The following RUFY4 variants were observed in gnomAD, a reference collection of about 807,000 sequenced individuals.
The protein encoded by RUFY4 is RUN and FYVE domain containing 4.
In RUFY4, 73 loss-of-function variants were observed where a neutral mutation model predicts 69.0. The observed-to-expected ratio is 1.06, with a 90% CI of 0.88 to 1.29. The LOEUF (loss-of-function observed/expected upper bound fraction) is 1.29, where lower values mean the gene tolerates loss of function less well. Among genes scored for constraint, RUFY4 ranks in the 50% most tolerant of loss-of-function variants. RUFY4 has a pLI of 0.00. For missense variants in RUFY4, 770 were observed against 705.6 expected, an observed-to-expected ratio of 1.09 and a Z score of -1.03; for synonymous variants, 287 against 271.8, an observed-to-expected ratio of 1.06 and a Z score of -0.55.
chr2:218,039,979 C>G (rs1359389731), intron 2 of RUFY4, among the ~76,000 whole-genome samples: 2 of 145,680 alleles, frequency 1.4e-5, no homozygotes, highest in Non-Finnish European at 3.0e-5. Context: ...CTGGATTGCC[C>G]CCAATTTGCT....
upstream of RUFY4, chr2:218,070,385 A>T (rs551685517): frequency 4.2e-4 from 255 of 607,224 alleles, 1 homozygote; most frequent in Middle Eastern, 2.6e-3. Context: ...GGACTGCTCA[A>T]TCGGTGGAGG....
At chr2:218,050,363 G>A (rs910472980) in intron 2 of RUFY4, among the ~76,000 whole-genome samples, 2 of 152,244 alleles carry the variant, frequency 1.3e-5, no homozygotes, top group African/African-American at 4.8e-5. Flanking sequence ...TGAAGGAGCT[G>A]TGATGCTCCT....
rs903721159 is a variant in RUFY4, at chr2:218,082,064, A to G, written c.1356-1046A>G. Among the ~76,000 whole-genome samples the G allele has an allele frequency of 5.3e-5, 8 of 152,134 alleles. No individual in the cohort carries two copies. The East Asian group carries it at 1.2e-3, about 22-fold the overall frequency. ...TCCCAGCTGAGCCAGGGGCCTCCCA[A>G]CTGAGCCAGAGGCTGGGCCCTGGGG... On this transcript the variant is annotated intron_variant, in intron 8 of 10. Transcript: ENST00000344321.
At chr2:218,064,592 C>T (rs1689277723), upstream of RUFY4, among the ~76,000 whole-genome samples, 1 of 152,164 alleles carries the variant, frequency 6.6e-6, no homozygotes, top group South Asian at 2.1e-4. Flanking sequence ...GGAGTGGCCA[C>T]CAGCTGGCAG....
At chr2:218,052,393 G>T (rs1413786085) in intron 2 of RUFY4, among the ~76,000 whole-genome samples, 1 of 152,108 alleles carries the variant, frequency 6.6e-6, no homozygotes, top group African/African-American at 2.4e-5. Context: ...GTTGCCCAAG[G>T]TATTGGTTTT....
At chr2:218,072,928 A>T in intron 4 of RUFY4, 43 bp downstream of exon 6, 1 of 1,436,486 alleles carries the variant, frequency 7.0e-7, no homozygotes, top group Non-Finnish European at 9.3e-7. Context: ...CATCTGAGCC[A>T]CTTTCCCTCC....
chr2:218,060,950 C>T, intron 3 of RUFY4: 1 of 863,546 alleles, frequency 1.2e-6, no homozygotes. Flanking sequence ...AGTGGCGCTG[C>T]TGGGTCAGTG....
exon 1 of RUFY4, chr2:218,070,524 G>A (rs1396780425): frequency 3.3e-6 from 4 of 1,202,434 alleles, no homozygotes; most frequent in Non-Finnish European, 4.7e-6. Flanking sequence ...TTTGTGTAAG[G>A]AGAGAGCTGG....
At chr2:218,087,708 A>C (rs531667089) in intron 9 of RUFY4, among the ~76,000 whole-genome samples, 1 of 152,254 alleles carries the variant, frequency 6.6e-6, no homozygotes, top group South Asian at 2.1e-4. Flanking sequence ...ACATGCCTGT[A>C]ATCCCAGCTA....
At chr2:218,053,919 A>T (rs572483967) in intron 2 of RUFY4, among the ~76,000 whole-genome samples, 1 of 152,370 alleles carries the variant, frequency 6.6e-6, no homozygotes, top group Admixed American at 6.5e-5. Flanking sequence ...TGCTGGAATG[A>T]CAAGCCTGAG....
chr2:218,043,790 C>T (rs1688758523), intron 2 of RUFY4, among the ~76,000 whole-genome samples: 1 of 152,204 alleles, frequency 6.6e-6, no homozygotes, highest in Admixed American at 6.5e-5. Context: ...ACCTTCCTCC[C>T]AGGAGCCTGT....
intron 2 of RUFY4, among the ~76,000 whole-genome samples, chr2:218,038,338 T>C (rs932636591): frequency 6.6e-5 from 10 of 152,206 alleles, no homozygotes; most frequent in African/African-American, 2.4e-4. Context: ...GTGTTTATTA[T>C]GATGATGCAA....
chr2:218,067,349 ACTGGCAGTAGGAGTGCC>A (rs2106042380), upstream of RUFY4, among the ~76,000 whole-genome samples: 1 of 152,360 alleles, frequency 6.6e-6, no homozygotes, highest in South Asian at 2.1e-4. Context: ...AAGTAGCAGG[ACTGGCAGTAGGAGTGCC>A]CTGGCAGGCA....
chr2:218,048,221 T>C (rs1034218889), intron 2 of RUFY4, among the ~76,000 whole-genome samples: 2 of 152,254 alleles, frequency 1.3e-5, no homozygotes, highest in African/African-American at 4.8e-5. Flanking sequence ...TTTACACGAT[T>C]GCTGACCACA....
At chr2:218,083,003 A>G in intron 8 of RUFY4, 107 bp from the exon 11 acceptor site, 1 of 1,243,370 alleles carries the variant, frequency 8.0e-7, no homozygotes, top group East Asian at 2.8e-5. Flanking sequence ...TGCCGGGGGC[A>G]TCACCAGCGT....
chr2:218,073,256 C>A (rs1165394007), exon 5 of RUFY4: 1 of 1,551,648 alleles, frequency 6.4e-7, no homozygotes, highest in Middle Eastern at 1.7e-4. Flanking sequence ...ATGGTATGGA[C>A]CCCGGAGCCC....
intron 9 of RUFY4, among the ~76,000 whole-genome samples, chr2:218,088,260 G>A (rs1220998657): frequency 1.3e-5 from 2 of 152,042 alleles, no homozygotes; most frequent in Admixed American, 1.3e-4. Context: ...TTGGGAGGTT[G>A]AGGCAGGGTT....
chr2:218,064,639 T>C (rs1689279706), upstream of RUFY4, among the ~76,000 whole-genome samples: 1 of 152,072 alleles, frequency 6.6e-6, no homozygotes, highest in African/African-American at 2.4e-5. Context: ...TGAGCCACCA[T>C]GATCTTTACC....
intron 2 of RUFY4, among the ~76,000 whole-genome samples, chr2:218,046,289 T>C (rs1336614880): frequency 1.3e-5 from 2 of 152,060 alleles, no homozygotes; most frequent in East Asian, 1.9e-4. Flanking sequence ...CTAGAATTTA[T>C]TCCTCCTGTC....
Sources: allele counts gnomAD v4.1 joint callset (sites outside exome capture counted in the v4.1 genomes callset), GRCh38; gene constraint gnomAD v4.1.1; transcripts MANE v1.5; gene names NCBI Gene and HGNC (gene_info 2026-07-23, HGNC 2026-07-21).